Variants in ERMARD observed in about 807,000 individuals in gnomAD.
ERMARD encodes endoplasmic reticulum membrane-associated RNA degradation protein.
A neutral mutation model predicts 83.9 loss-of-function variants in ERMARD; 71 were observed. The observed-to-expected ratio is 0.85, with a 90% CI of 0.70 to 1.03. The LOEUF (loss-of-function observed/expected upper bound fraction) is 1.03. ERMARD is among the 50% of genes least tolerant of loss of function. The pLI is 0.00. For synonymous variants in ERMARD, 284 were observed against 298.6 expected (o/e 0.95, Z 0.50); for missense variants, 838 against 810.9 (o/e 1.03, Z -0.41).
intron 9 of ERMARD, among the ~76,000 whole-genome samples, chr6:169,765,937 A>G (rs188729095): frequency 8.8e-5 from 8 of 90,534 alleles, no homozygotes; most frequent in African/African-American, 3.4e-4. Flanking sequence ...CTGTCTGTCA[A>G]ATCTCACTGA....
chr6:169,771,676 G>C (rs1352098172), intron 12 of ERMARD: 1 of 152,182 alleles, frequency 6.6e-6, no homozygotes, highest in Non-Finnish European at 1.5e-5. Flanking sequence ...CTAGGTGGCT[G>C]CTCAGGCGGG....
At chr6:169,763,802 G>C (rs1791852514) in intron 9 of ERMARD, among the ~76,000 whole-genome samples, 1 of 152,210 alleles carries the variant, frequency 6.6e-6, no homozygotes, top group Admixed American at 6.5e-5. Context: ...CCCAACACAT[G>C]GAAGTTTTGG....
In ERMARD at chr6:169,781,318, T is replaced by A; in HGVS notation, c.1854-12T>A. On this transcript the variant is annotated splice_polypyrimidine_tract_variant and intron_variant, in intron 17 of 17. Transcript: ENST00000366773. ...AATGGAATGGATAAAGAAATTAATT[T>A]TTTTTTTACAGGTTTGTAAAGTCGA... 1.8e-5 allele frequency: 29 copies of A among 1,579,288 alleles called. No individual in the cohort carries two copies. The highest frequency in any genetic ancestry group is 2.5e-5 in the Non-Finnish European group (29 of 1,169,400).
Position 169,781,522 on chromosome 6 carries a change from A to G in ERMARD, c.*9A>G. On this transcript the variant is annotated 3_prime_UTR_variant, in exon 18 of 18. Coordinates refer to ENST00000366773, the MANE Select transcript of ERMARD (RefSeq NM_018341.3). ...GTAAAGTACTCTTATGAAAACTTGT[A>G]AGTCAGGATGCTTTTAATTTTAACA... 1 of 1,579,798 alleles carries G rather than the reference A, an allele frequency of 6.3e-7. No homozygotes were observed. Among genetic ancestry groups the G allele is most frequent in the East Asian group, 2.3e-5 (1 of 44,306 alleles).
At chr6:169,751,488 C>T (rs1483440353), upstream of ERMARD, 4 of 1,607,894 alleles carry the variant, frequency 2.5e-6, no homozygotes, top group African/African-American at 5.4e-5. Context: ...CGCCCACCGC[C>T]TCCCCTTCAC....
In ERMARD at chr6:169,758,978, TAA is replaced by T; in HGVS notation, c.521_522del (p.Lys174SerfsTer13). The stretch of plus-strand genomic sequence containing the variant: ...TGATTTGCGGATTAGATGAATGTGC[TAA>T]AAGTCTTCGTTGGCTCTCCGTGTGG... On this transcript the variant is annotated frameshift_variant, in exon 6 of 18. Transcript: ENST00000366773. LOFTEE classifies it high-confidence loss of function. The T allele has an allele frequency of 6.2e-7, 1 of 1,613,904 alleles. No homozygotes were observed. Among genetic ancestry groups the T allele is most frequent in the Non-Finnish European group, 8.5e-7 (1 of 1,179,908 alleles).
rs140936912 is a variant in ERMARD, at chr6:169,775,911, C to A, written c.1395-29C>A. 69 of 1,612,288 alleles carry A rather than the reference C, an allele frequency of 4.3e-5. 1 individual carries two copies. The African/African-American group carries it at 9.2e-4, about 21-fold the overall frequency. ...ACTGATGTGAGCACTTTAATTGTCA[C>A]GTATCTTTAAATATTTTCTGTTTTT... On this transcript the variant is annotated intron_variant, in intron 14 of 17. Transcript: ENST00000366773.
chr6:169,767,801 A>C, intron 10 of ERMARD: 1 of 387,578 alleles, frequency 2.6e-6, no homozygotes, highest in Non-Finnish European at 4.8e-6. Context: ...GCATATAAAC[A>C]CACAAATGTA....
intron 12 of ERMARD, chr6:169,771,670 G>A (rs1792935438): frequency 6.6e-6 from 1 of 152,114 alleles, no homozygotes; most frequent in South Asian, 2.1e-4. Flanking sequence ...AGCCTCCTAG[G>A]TGGCTGCTCA....
chr6:169,759,128 T>C, intron 6 of ERMARD, 63 bp downstream of exon 6: 2 of 1,337,940 alleles, frequency 1.5e-6, no homozygotes, highest in Non-Finnish European at 2.1e-6. Context: ...TTTTAAATTT[T>C]GAATTTCATG....
chr6:169,763,494 C>T (rs575758199), intron 9 of ERMARD, among the ~76,000 whole-genome samples: 12 of 152,364 alleles, frequency 7.9e-5, no homozygotes, highest in East Asian at 1.9e-4. Context: ...AGGGCTTAGT[C>T]GCACTTGCTG....
chr6:169,768,050 T>G, intron 10 of ERMARD, 53 bp from the exon 11 acceptor site: 1 of 1,442,480 alleles, frequency 6.9e-7, no homozygotes, highest in Middle Eastern at 1.7e-4. Flanking sequence ...GAAAGTTCTG[T>G]ATGTTTATGT....
upstream of ERMARD, chr6:169,751,522 C>G: frequency 6.2e-7 from 1 of 1,610,992 alleles, no homozygotes; most frequent in South Asian, 1.1e-5. Context: ...ACGCCCTAGC[C>G]AGTCCCGCGA....
chr6:169,772,256 A>G (rs1296803165), intron 12 of ERMARD, among the ~76,000 whole-genome samples: 3 of 152,222 alleles, frequency 2.0e-5, no homozygotes, highest in Non-Finnish European at 4.4e-5. Flanking sequence ...TTGGAACAGA[A>G]GCCAGGTGCT....
chr6:169,776,237 C>G, intron 15 of ERMARD, 172 bp downstream of exon 15: 1 of 1,521,564 alleles, frequency 6.6e-7, no homozygotes, highest in Non-Finnish European at 8.9e-7. Flanking sequence ...TCTGTGCAAG[C>G]TTGGCACATC....
intron 1 of ERMARD, chr6:169,753,086 G>C (rs1790346503): frequency 6.6e-6 from 1 of 152,284 alleles, no homozygotes; most frequent in African/African-American, 2.4e-5. Flanking sequence ...GCAGTTTTAG[G>C]CTTCAAAGGG....
At chr6:169,775,137 A>G (rs1562347434) in intron 13 of ERMARD, 133 bp from the exon 14 acceptor site, 2 of 929,988 alleles carry the variant, frequency 2.2e-6, no homozygotes, top group East Asian at 2.6e-5. Flanking sequence ...GACACCCACC[A>G]TCTGGTTTTA....
chr6:169,775,267 C>T lies in ERMARD; in HGVS notation c.1318-3C>T. ...ACAAAAGCAATAAAACATTTCCTCC[C>T]AGGTGCTGAGCTGTGAGGAGAGCAT... On this transcript the variant is annotated splice_polypyrimidine_tract_variant and splice_region_variant and intron_variant, in intron 13 of 17. Coordinates refer to ENST00000366773, the MANE Select transcript of ERMARD (RefSeq NM_018341.3). The T allele has an allele frequency of 6.2e-7, 1 of 1,613,918 alleles. No individual in the cohort carries two copies. Among genetic ancestry groups the T allele is most frequent in the Non-Finnish European group, 8.5e-7 (1 of 1,179,964 alleles).
chr6:169,760,623 A>G lies in ERMARD; in HGVS notation c.743-19A>G. ...GTTGATCAGTATGATTGTGTTTAAA[A>G]CCGTGTGTTATTTTACAGATGTTAC... On this transcript the variant is annotated intron_variant, in intron 7 of 17. Transcript: ENST00000366773. 6.6e-7 allele frequency: 1 copy of G among 1,519,266 alleles called. No homozygotes were observed. Among genetic ancestry groups the G allele is most frequent in the African/African-American group, 1.4e-5 (1 of 72,922 alleles). The allele number at this position is 1,519,266 out of a possible 1,614,324, so 94.1% of individuals were successfully genotyped here.
Sources: allele counts gnomAD v4.1 joint callset (sites outside exome capture counted in the v4.1 genomes callset), GRCh38; gene constraint gnomAD v4.1.1; transcripts MANE v1.5; gene names NCBI Gene and HGNC (gene_info 2026-07-23, HGNC 2026-07-21).